FRMD4A: variants seen among roughly 807,000 people sequenced by gnomAD.
The protein encoded by FRMD4A is FERM domain containing 4A.
A neutral mutation model predicts 129.1 loss-of-function variants in FRMD4A; 29 were observed. The ratio of observed to expected loss-of-function variants is 0.22; its 90% CI spans 0.17 to 0.31. The LOEUF (loss-of-function observed/expected upper bound fraction) is 0.31. Ranked by LOEUF, FRMD4A falls within the 10% of genes least tolerant of loss-of-function variation. FRMD4A has a pLI of 1.00. For missense variants in FRMD4A, 1,272 were observed against 1,375.8 expected (o/e 0.92, Z 1.19); for synonymous variants, 634 against 571.6 (o/e 1.11, Z -1.56).
At chr10:14,099,306 A>G (rs907438935) in intron 2 of FRMD4A, among the ~76,000 whole-genome samples, 1 of 152,128 alleles carries the variant, frequency 6.6e-6, no homozygotes, top group African/African-American at 2.4e-5. Flanking sequence ...GTCTCAATTT[A>G]TAGGGCAGAG....
At chr10:13,765,101 A>ATTTTTTTTTTTTTTTTTTTTTTTTTT (rs10708906) in intron 6 of FRMD4A, among the ~76,000 whole-genome samples, 2 of 125,276 alleles carry the variant, frequency 1.6e-5, no homozygotes, top group South Asian at 2.4e-4. Flanking sequence ...TCAAGGATTG[A>ATTTTTTTTTTTTTTTTTTTTTTTTTT]TTTTTTTTTT....
intron 2 of FRMD4A, among the ~76,000 whole-genome samples, chr10:14,230,680 C>T (rs1879605): frequency 0.98 from 149,675 of 152,274 alleles, 73,586 homozygotes; most frequent in East Asian, 1. Context: ...GTTTCTTACA[C>T]GGGGAATTTG....
intron 2 of FRMD4A, among the ~76,000 whole-genome samples, chr10:14,035,294 C>T (rs1833444331): frequency 6.6e-6 from 1 of 151,920 alleles, no homozygotes; most frequent in Non-Finnish European, 1.5e-5. Context: ...CATCTGTAAT[C>T]CCAGGTACTC....
chr10:13,714,703 C>A (rs1490410144), intron 12 of FRMD4A, among the ~76,000 whole-genome samples: 1 of 152,108 alleles, frequency 6.6e-6, no homozygotes, highest in Non-Finnish European at 1.5e-5. Context: ...GAGATGGAAA[C>A]CATCTCTGGT....
intron 17 of FRMD4A, among the ~76,000 whole-genome samples, chr10:13,669,916 TTGGAGGGATG>T (rs956409031): frequency 6.6e-6 from 1 of 152,200 alleles, no homozygotes; most frequent in Non-Finnish European, 1.5e-5. Context: ...GCACACATTC[TTGGAGGGATG>T]TGAGTAGCCA....
At chr10:14,177,945 G>A (rs117165808) in intron 2 of FRMD4A, among the ~76,000 whole-genome samples, 4 of 152,304 alleles carry the variant, frequency 2.6e-5, no homozygotes, top group Non-Finnish European at 5.9e-5. Context: ...CTCCTGAGAT[G>A]ATGCTGCTGT....
intron 2 of FRMD4A, among the ~76,000 whole-genome samples, chr10:14,043,411 AT>A (rs986186633): frequency 1.1e-4 from 17 of 152,070 alleles, no homozygotes; most frequent in Non-Finnish European, 1.5e-4. Context: ...TTATCCACAA[AT>A]TTTTTTTCCT....
chr10:14,237,976 TA>T (rs1843888952), intron 2 of FRMD4A, among the ~76,000 whole-genome samples: 1 of 152,172 alleles, frequency 6.6e-6, no homozygotes, highest in Non-Finnish European at 1.5e-5. Context: ...GGTCCCAAAA[TA>T]GACCTGTGCA....
At chr10:13,694,219 C>T (rs775932927) in intron 14 of FRMD4A, among the ~76,000 whole-genome samples, 180 bp from the exon 15 acceptor site, 3 of 152,194 alleles carry the variant, frequency 2.0e-5, no homozygotes, top group Admixed American at 1.3e-4. Flanking sequence ...AAACTCTCTG[C>T]GAAGAGCAGA....
chr10:14,177,479 A>C (rs1350919159), intron 2 of FRMD4A, among the ~76,000 whole-genome samples: 1 of 152,018 alleles, frequency 6.6e-6, no homozygotes. Flanking sequence ...GGCCCCAATC[A>C]TGTCCCCTTC....
intron 3 of FRMD4A, among the ~76,000 whole-genome samples, chr10:13,832,078 G>A (rs1177395566): frequency 6.6e-6 from 1 of 152,164 alleles, no homozygotes. Flanking sequence ...ATGTGCATGA[G>A]TGAGGTGGGC....
chr10:14,244,806 G>T lies in FRMD4A; in HGVS notation c.45+85252C>A, dbSNP rs549764465. Among the ~76,000 whole-genome samples, 10 of 152,304 alleles carry T rather than the reference G, an allele frequency of 6.6e-5. No homozygotes were observed. In the South Asian group the frequency reaches 2.1e-3, roughly 32 times the overall value. On this transcript the variant is annotated intron_variant, in intron 2 of 24. Coordinates refer to ENST00000357447, the MANE Select transcript of FRMD4A (RefSeq NM_018027.5). ...AAATTCGTCTGACTCCAAAACCTGTGCTCTTTCCGCAGTAATACTGAGTTC... is the reference window on the plus strand; with the variant it reads ...AAATTCGTCTGACTCCAAAACCTGTTCTCTTTCCGCAGTAATACTGAGTTC...
intron 2 of FRMD4A, among the ~76,000 whole-genome samples, chr10:13,986,168 C>A (rs1055138770): frequency 6.6e-6 from 1 of 152,168 alleles, no homozygotes; most frequent in African/African-American, 2.4e-5. Context: ...CCTGGCTGCC[C>A]ATGGGGGTCC....
intron 2 of FRMD4A, among the ~76,000 whole-genome samples, chr10:13,891,186 C>T (rs1458113601): frequency 6.6e-6 from 1 of 152,158 alleles, no homozygotes; most frequent in African/African-American, 2.4e-5. Flanking sequence ...AAAAAGCAGT[C>T]CATCTTAGCA....
At chr10:13,700,378 C>T (rs940399773) in intron 14 of FRMD4A, among the ~76,000 whole-genome samples, 11 of 152,136 alleles carry the variant, frequency 7.2e-5, no homozygotes, top group African/African-American at 2.7e-4. Flanking sequence ...TAGAGGGCAC[C>T]GATTCAGTGA....
At chr10:13,714,419 A>G (rs7895114) in intron 12 of FRMD4A, among the ~76,000 whole-genome samples, 135,755 of 150,120 alleles carry the variant, frequency 0.9, 61,418 homozygotes, top group East Asian at 1. Flanking sequence ...TTTTTCTATC[A>G]GTTTTTTAGG....
chr10:14,076,862 G>C (rs561615898), intron 2 of FRMD4A, among the ~76,000 whole-genome samples: 2 of 152,286 alleles, frequency 1.3e-5, no homozygotes, highest in South Asian at 4.2e-4. Flanking sequence ...AGCTACATGA[G>C]ATGTGGTCCT....
At chr10:14,014,285 C>T (rs2095691162) in intron 2 of FRMD4A, among the ~76,000 whole-genome samples, 1 of 152,162 alleles carries the variant, frequency 6.6e-6, no homozygotes, top group South Asian at 2.1e-4. Context: ...ACATATTCTT[C>T]CTAATACCCT....
chr10:13,968,455 T>G (rs72774686), intron 2 of FRMD4A, among the ~76,000 whole-genome samples: 1 of 152,348 alleles, frequency 6.6e-6, no homozygotes, highest in Non-Finnish European at 1.5e-5. Flanking sequence ...CATCCATCGC[T>G]TATTTTATTT....
Sources: allele counts gnomAD v4.1 joint callset (sites outside exome capture counted in the v4.1 genomes callset), GRCh38; gene constraint gnomAD v4.1.1; transcripts MANE v1.5; gene names NCBI Gene and HGNC (gene_info 2026-07-23, HGNC 2026-07-21).